NIPAL2: variants seen among roughly 807,000 people sequenced by gnomAD.
NIPAL2 encodes the protein NIPA like domain containing 2, also known as NIPA-like protein 2.
In NIPAL2, 43 loss-of-function variants were observed where a neutral mutation model predicts 48.9. The ratio of observed to expected loss-of-function variants is 0.88; its 90% CI spans 0.69 to 1.13. The LOEUF (loss-of-function observed/expected upper bound fraction) is 1.13. NIPAL2 is among the 50% of genes most tolerant of loss of function. The pLI is 0.00. For missense variants in NIPAL2, 446 were observed against 461.4 expected (o/e 0.97, Z 0.31); for synonymous variants, 167 against 174.6 (o/e 0.96, Z 0.34).
intron 1 of NIPAL2, among the ~76,000 whole-genome samples, chr8:98,283,634 C>T (rs893998256): frequency 2.0e-5 from 3 of 152,176 alleles, no homozygotes; most frequent in Non-Finnish European, 2.9e-5. Context: ...TTTGCAGGCC[C>T]AGCCCAGGTT....
At chr8:98,203,048 A>T in intron 8 of NIPAL2, 60 bp downstream of exon 8, 1 of 1,286,920 alleles carries the variant, frequency 7.8e-7, no homozygotes, top group Non-Finnish European at 1.1e-6. Flanking sequence ...TCTCTCATTT[A>T]CTCTGGGAGA....
intron 6 of NIPAL2, among the ~76,000 whole-genome samples, chr8:98,211,002 C>G (rs528800731): frequency 1.4e-4 from 22 of 152,218 alleles, no homozygotes; most frequent in South Asian, 8.3e-4. Flanking sequence ...GAACCCCTGT[C>G]TTAGTATTTA....
rs775233686 is a variant in NIPAL2, at chr8:98,252,534, G to A, written c.305C>T (p.Thr102Met). The change falls in exon 3 of 11, where the codon ACG becomes ATG. Residue 102 changes from threonine (T) to methionine (M), a missense_variant. Physicochemically the swap from Thr to Met is moderately conservative, Grantham distance 81. Transcript: ENST00000430223. ...AAATCCATAGGCTGCAAAGTTCCCC[G>A]TCTCTCCCACGGCCATCAGCAGGAC... ...GGVLLMAVGE[T>M]GNFAAYGFAP... is the part of the protein sequence containing the mutation. The A allele has an allele frequency of 4.3e-6, 7 of 1,613,966 alleles. No homozygotes were observed. The highest frequency in any genetic ancestry group is 1.7e-5 in the Admixed American group (1 of 59,990).
intron 1 of NIPAL2, among the ~76,000 whole-genome samples, chr8:98,259,116 G>A (rs1243481968): frequency 9.3e-6 from 1 of 107,120 alleles, no homozygotes; most frequent in African/African-American, 3.7e-5. Context: ...TCGCTCTGTC[G>A]CCCAGGCTGG....
At chr8:98,195,466 C>A (rs1810497737) in intron 9 of NIPAL2, among the ~76,000 whole-genome samples, 1 of 152,202 alleles carries the variant, frequency 6.6e-6, no homozygotes, top group Non-Finnish European at 1.5e-5. Context: ...CCCACCAAAT[C>A]TCTAGGGAGA....
intron 4 of NIPAL2, among the ~76,000 whole-genome samples, chr8:98,235,582 T>C (rs940395451): frequency 6.6e-6 from 1 of 152,082 alleles, no homozygotes; most frequent in African/African-American, 2.4e-5. Context: ...TAATAGTCTA[T>C]TAGGTAACAC....
intron 5 of NIPAL2, among the ~76,000 whole-genome samples, chr8:98,219,777 C>A (rs951357554): frequency 1.3e-5 from 2 of 152,144 alleles, no homozygotes; most frequent in African/African-American, 4.8e-5. Flanking sequence ...TGTACAAGCT[C>A]CTCCTAATAA....
intron 5 of NIPAL2, among the ~76,000 whole-genome samples, chr8:98,216,143 A>G (rs879867140): frequency 6.6e-5 from 10 of 152,210 alleles, no homozygotes; most frequent in Non-Finnish European, 1.5e-4. Flanking sequence ...CCATGTTTGG[A>G]CAAAGATCTG....
intron 1 of NIPAL2, among the ~76,000 whole-genome samples, chr8:98,256,569 A>T (rs1813905517): frequency 6.6e-6 from 1 of 152,170 alleles, no homozygotes; most frequent in Non-Finnish European, 1.5e-5. Context: ...ACTAATCATT[A>T]GGAAAATGCA....
Position 98,222,480 on chromosome 8 carries a change from A to G in NIPAL2, c.557T>C (p.Val186Ala), listed in dbSNP as rs1811941938. 1.9e-6 allele frequency: 3 copies of G among 1,613,152 alleles called. No homozygotes were observed. The highest frequency in any genetic ancestry group is 1.1e-5 in the South Asian group (1 of 90,696). The change falls in exon 5 of 11, where the codon GTG (valine) becomes GCG (alanine). Residue 186 changes from valine to alanine, a missense_variant and splice_region_variant. Physicochemically the swap from Val to Ala is moderately conservative, Grantham distance 64 (BLOSUM62 0). Transcript: ENST00000430223. ...TAGTAAAATATTTAGAATTCTTACC[A>G]CATAGATCAGGAACTGCCATCCGAC... is the stretch of plus-strand genomic sequence containing the variant. ...YLVGWQFLIY[V>A]ILEILIFCIL...
chr8:98,236,851 C>CAAAAAAAAAAAAA (rs34210829), intron 3 of NIPAL2, among the ~76,000 whole-genome samples: 3 of 66,896 alleles, frequency 4.5e-5, no homozygotes, highest in East Asian at 5.5e-4. Flanking sequence ...GATCCTGTCT[C>CAAAAAAAAAAAAA]AAAAAAAAAA....
At chr8:98,279,758 C>A (rs1222168549) in intron 1 of NIPAL2, among the ~76,000 whole-genome samples, 1 of 152,180 alleles carries the variant, frequency 6.6e-6, no homozygotes, top group East Asian at 1.9e-4. Flanking sequence ...TGAAATAAAG[C>A]AATGACAATA....
chr8:98,214,198 C>G (rs900276506), intron 5 of NIPAL2, among the ~76,000 whole-genome samples: 1 of 149,678 alleles, frequency 6.7e-6, no homozygotes, highest in African/African-American at 2.5e-5. Flanking sequence ...GAGTCTCACT[C>G]TGTTGCCCAG....
intron 1 of NIPAL2, among the ~76,000 whole-genome samples, chr8:98,265,850 T>G (rs966504011): frequency 6.6e-6 from 1 of 150,558 alleles, no homozygotes; most frequent in African/African-American, 2.5e-5. Context: ...TATTGCGGCA[T>G]TATTCACGAT....
rs58052186 is a variant in NIPAL2, at chr8:98,233,445, G to A, written c.436+2710C>T. Among the ~76,000 whole-genome samples, 254 of 152,084 alleles carry A rather than the reference G, an allele frequency of 1.7e-3. 5 individuals carry two copies. In the East Asian group the frequency reaches 0.043, roughly 26 times the overall value. On this transcript the variant is annotated intron_variant, in intron 4 of 10. Coordinates refer to ENST00000430223, the MANE Select transcript of NIPAL2 (RefSeq NM_001321635.2). ...CAATGAAGGTGGTAATAGAAATTAT[G>A]ACAATTATATTGACAAAGCTTTGCA...
At chr8:98,251,928 A>G (rs2130828416) in intron 3 of NIPAL2, among the ~76,000 whole-genome samples, 1 of 152,284 alleles carries the variant, frequency 6.6e-6, no homozygotes, top group South Asian at 2.1e-4. Context: ...AGTCTTTCAC[A>G]TCTCATTTTT....
chr8:98,275,248 C>T (rs80248159), intron 1 of NIPAL2, among the ~76,000 whole-genome samples: 1,879 of 152,088 alleles, frequency 0.012, 36 homozygotes, highest in African/African-American at 0.042. Flanking sequence ...TGTATTACCC[C>T]GTTATAGATA....
chr8:98,288,174 A>G (rs1314779597), intron 1 of NIPAL2, among the ~76,000 whole-genome samples: 8 of 148,982 alleles, frequency 5.4e-5, no homozygotes, highest in East Asian at 4.1e-4. Context: ...ATATCTCCCA[A>G]TGCTATCCTT....
intron 1 of NIPAL2, among the ~76,000 whole-genome samples, chr8:98,267,003 G>A (rs1291725753): frequency 6.6e-6 from 1 of 150,988 alleles, no homozygotes; most frequent in African/African-American, 2.4e-5. Context: ...CCTGTTGTTT[G>A]GCAGACATAG....
Sources: allele counts gnomAD v4.1 joint callset (sites outside exome capture counted in the v4.1 genomes callset), GRCh38; gene constraint gnomAD v4.1.1; transcripts MANE v1.5; gene names NCBI Gene and HGNC (gene_info 2026-07-23, HGNC 2026-07-21).